The following AMDHD1 variants were observed in gnomAD, a reference collection of about 807,000 sequenced individuals.
AMDHD1 encodes amidohydrolase domain containing 1, also known as probable imidazolonepropionase.
A neutral mutation model predicts 44.1 loss-of-function variants in AMDHD1; 45 were observed. That is an observed-to-expected ratio of 1.02 (90% CI 0.80 to 1.31). AMDHD1 has a LOEUF of 1.31. Ranked by LOEUF, AMDHD1 falls within the 50% of genes most tolerant of loss-of-function variation. AMDHD1 has a pLI of 0.00. For missense variants in AMDHD1, 586 were observed against 552.1 expected (o/e 1.06, Z -0.61); for synonymous variants, 206 against 205.0 (o/e 1.00, Z -0.04).
intron 2 of AMDHD1, among the ~76,000 whole-genome samples, chr12:95,953,591 T>A (rs2080534878): frequency 6.6e-6 from 1 of 152,178 alleles, no homozygotes; most frequent in South Asian, 2.1e-4. Context: ...TTTCATTTGT[T>A]TGTTTATTTT....
At chr12:95,944,335 A>G (rs928267364) in intron 1 of AMDHD1, among the ~76,000 whole-genome samples, 1 of 144,416 alleles carries the variant, frequency 6.9e-6, no homozygotes, top group Non-Finnish European at 1.5e-5. Flanking sequence ...AATTTTATTT[A>G]TTTATTTATT....
rs144167274 is a variant in AMDHD1 at position 95,962,413 on chromosome 12, G to T, written c.872G>T (p.Gly291Val). The part of the protein sequence containing the change: ...ISHLEEVSDE[G>V]IVAMATARCS... ...CACCTGGAAGAAGTGAGTGATGAAG[G>T]CATCGTTGCCATGGCAACGGCCAGG... Residue 291 changes from glycine to valine, a missense_variant, in exon 6 of 9, where the codon GGC becomes GTC. By Grantham distance (109) the Gly-to-Val change is moderately radical. Coordinates refer to ENST00000266736, the MANE Select transcript of AMDHD1 (RefSeq NM_152435.3). The T allele has an allele frequency of 2.1e-4, 344 of 1,613,906 alleles. No individual in the cohort carries two copies. Among genetic ancestry groups the T allele is most frequent in the Non-Finnish European group, 2.8e-4 (325 of 1,179,900 alleles).
chr12:95,944,661 C>A (rs1314256668), intron 1 of AMDHD1, among the ~76,000 whole-genome samples: 1 of 152,124 alleles, frequency 6.6e-6, no homozygotes, highest in Non-Finnish European at 1.5e-5. Flanking sequence ...AAGCCATCCA[C>A]CTGGTTTGGC....
intron 1 of AMDHD1, among the ~76,000 whole-genome samples, chr12:95,947,724 C>T (rs2080503675): frequency 4.5e-5 from 3 of 66,150 alleles, no homozygotes; most frequent in African/African-American, 2.2e-4. Context: ...GGGGGGTCAG[C>T]CCCCCCACCC....
intron 3 of AMDHD1, among the ~76,000 whole-genome samples, chr12:95,955,664 C>T (rs934113117): frequency 9.2e-5 from 14 of 152,144 alleles, no homozygotes; most frequent in Admixed American, 9.2e-4. Flanking sequence ...ATTTACAGTC[C>T]AATCCTCTCA....
chr12:95,966,474 A>C lies in AMDHD1; in HGVS notation c.1159A>C (p.Lys387Gln). 1 of 1,614,260 alleles carries C rather than the reference A, an allele frequency of 6.2e-7. No homozygotes were observed. Among genetic ancestry groups the C allele is most frequent in the Non-Finnish European group, 8.5e-7 (1 of 1,180,046 alleles). The change falls in exon 8 of 9, where the codon AAA becomes CAA. Residue 387 changes from lysine (K) to glutamine (Q), a missense_variant. By Grantham distance (53) the Lys-to-Gln change is moderately conservative. Transcript: ENST00000266736. ...CACACACGGATCGTTGGAAGTTGGC[A>C]AACAGGGAGATCTCATTATCATCAA... is the stretch of plus-strand genomic sequence containing the variant. ...SHTHGSLEVG[K>Q]QGDLIIINSS...
chr12:95,964,038 A>C (rs559154098), intron 6 of AMDHD1, among the ~76,000 whole-genome samples: 17 of 152,000 alleles, frequency 1.1e-4, no homozygotes, highest in African/African-American at 4.1e-4. Context: ...ATCTTAAAAA[A>C]AAAAAAAAAA....
chr12:95,944,229 C>CACA (rs1431211426), intron 1 of AMDHD1, among the ~76,000 whole-genome samples: 1 of 152,122 alleles, frequency 6.6e-6, no homozygotes, highest in African/African-American at 2.4e-5. Context: ...ACCACAATTG[C>CACA]ACACGATCAA....
At chr12:95,950,737 A>T (rs923305090) in intron 1 of AMDHD1, among the ~76,000 whole-genome samples, 1 of 152,158 alleles carries the variant, frequency 6.6e-6, no homozygotes, top group Non-Finnish European at 1.5e-5. Flanking sequence ...CATTCCAGCC[A>T]GTAAGAATAG....
At chr12:95,961,144 C>CAAAA (rs3051622) in intron 5 of AMDHD1, among the ~76,000 whole-genome samples, 5 of 129,664 alleles carry the variant, frequency 3.9e-5, no homozygotes, top group African/African-American at 3.0e-5. Context: ...GACTCCATCT[C>CAAAA]AAAAAAAAAA....
At chr12:95,957,344 A>G (rs2080557286) in intron 4 of AMDHD1, among the ~76,000 whole-genome samples, 1 of 152,256 alleles carries the variant, frequency 6.6e-6, no homozygotes. Context: ...CTTGTGGTCT[A>G]GGTGACTCAA....
At chr12:95,952,877 G>T in intron 2 of AMDHD1, 54 bp downstream of exon 2, 2 of 1,013,954 alleles carry the variant, frequency 2.0e-6, no homozygotes. Context: ...AGTTGCTCCT[G>T]AAATGTAAAG....
chr12:95,953,896 G>T (rs2080536930), intron 2 of AMDHD1, among the ~76,000 whole-genome samples: 1 of 152,090 alleles, frequency 6.6e-6, no homozygotes, highest in African/African-American at 2.4e-5. Context: ...TATGATTCTT[G>T]AGAGTCAGGA....
At chr12:95,965,813 A>G in intron 7 of AMDHD1, 34 bp downstream of exon 7, 1 of 1,330,270 alleles carries the variant, frequency 7.5e-7, no homozygotes, top group East Asian at 2.3e-5. Context: ...TTCTGAGCAG[A>G]GTATCTACCA....
chr12:95,955,447 C>T (rs1449865373), intron 3 of AMDHD1, among the ~76,000 whole-genome samples: 1 of 151,806 alleles, frequency 6.6e-6, no homozygotes, highest in Non-Finnish European at 1.5e-5. Context: ...GAGATTTTCA[C>T]ATGTGTTTTT....
At position 95,958,886 on chromosome 12, in the gene AMDHD1, T is replaced by C. The variant is rs2136766212; in HGVS notation, c.588-1512T>C. On this transcript the variant is annotated intron_variant, in intron 4 of 8. Coordinates refer to ENST00000266736, the MANE Select transcript of AMDHD1 (RefSeq NM_152435.3). ...GCTTGATCAACATGGAGAAAGCCTG[T>C]CTCTACTAAAAATACAAAATTAGCT... is the stretch of plus-strand genomic sequence containing the variant. Among the ~76,000 whole-genome samples, 2 of 151,994 alleles carry C rather than the reference T, an allele frequency of 1.3e-5. 1 individual carries two copies.
In AMDHD1 at chr12:95,962,292, G is replaced by A. The variant is rs1487742910; in HGVS notation, c.814-63G>A. 5.1e-6 allele frequency: 8 copies of A among 1,561,536 alleles called. No individual in the cohort carries two copies. The East Asian group carries it at 7.0e-5, about 14-fold the overall frequency. On this transcript the variant is annotated intron_variant, in intron 5 of 8. Coordinates refer to ENST00000266736, the MANE Select transcript of AMDHD1 (RefSeq NM_152435.3). Reference sequence around the variant, plus strand: ...AATAAAACAAACAAAGCAATTTAATGGAACTTCATGGATTCGTTGTTGCTA... The same window carrying A: ...AATAAAACAAACAAAGCAATTTAATAGAACTTCATGGATTCGTTGTTGCTA...
chr12:95,966,129 A>G (rs1307886659), intron 7 of AMDHD1, among the ~76,000 whole-genome samples: 2 of 152,224 alleles, frequency 1.3e-5, no homozygotes, highest in Non-Finnish European at 2.9e-5. Flanking sequence ...TGGTCTTGAA[A>G]AGTTGTCAAT....
In AMDHD1 at chr12:95,967,977, C is replaced by T; in HGVS notation, c.*134C>T. 1 of 613,728 alleles carries T rather than the reference C, an allele frequency of 1.6e-6. No homozygotes were observed. The highest frequency in any genetic ancestry group is 2.7e-6 in the Non-Finnish European group (1 of 364,216). The allele number at this position is 613,728 out of a possible 1,614,324, so 38.0% of individuals were successfully genotyped here. Reference sequence around the variant, plus strand: ...TGTACTTCAATGTCTTTTTAAGTCACTCAAAAAACCCAAGGGATAGATTTA... The same window carrying T: ...TGTACTTCAATGTCTTTTTAAGTCATTCAAAAAACCCAAGGGATAGATTTA... On this transcript the variant is annotated 3_prime_UTR_variant, in exon 9 of 9. Coordinates refer to ENST00000266736, the MANE Select transcript of AMDHD1 (RefSeq NM_152435.3).
Sources: gnomAD v4.1 joint callset for allele counts (sites outside exome capture counted in the v4.1 genomes callset) on GRCh38, gnomAD v4.1.1 for gene constraint, MANE v1.5 for transcripts, NCBI Gene and HGNC (gene_info 2026-07-23, HGNC 2026-07-21) for gene names.